CHD1L: variants seen among roughly 807,000 people sequenced by gnomAD.
CHD1L encodes ATP-dependent chromatin remodeler CHD1L.
Under a neutral mutation model 115.9 loss-of-function variants are expected in CHD1L, and 118 were observed. The ratio of observed to expected loss-of-function variants is 1.02; its 90% CI spans 0.88 to 1.19. CHD1L has a LOEUF of 1.19. Among genes scored for constraint, CHD1L ranks in the 50% most tolerant of loss-of-function variants. The pLI is 0.00. For missense variants in CHD1L, 1,179 were observed against 1,065.3 expected (o/e 1.11, Z -1.49); for synonymous variants, 411 against 387.1 (o/e 1.06, Z -0.72).
At chr1:147,201,330 G>A in the CHD1L span, 1 of 1,614,194 alleles carries the variant, frequency 6.2e-7, no homozygotes, top group South Asian at 1.1e-5. Flanking sequence ...GAAATGGAAA[G>A]TCAAAGCTAT....
chr1:147,186,692 G>A, the CHD1L span: 1 of 1,392,532 alleles, frequency 7.2e-7, no homozygotes, highest in South Asian at 1.6e-5. Context: ...ACAAGGAAGA[G>A]TGACGGATCA....
the CHD1L span, chr1:147,223,466 G>A: frequency 4.6e-5 from 7 of 152,210 alleles, no homozygotes; most frequent in Non-Finnish European, 1.0e-4. Context: ...AATATGAAAC[G>A]TAAAACTTAT....
chr1:147,192,832 T>C, the CHD1L span, among the ~76,000 whole-genome samples: 237 of 152,314 alleles, frequency 1.6e-3, 1 homozygote, highest in African/African-American at 5.1e-3. Context: ...TTGTGTATGT[T>C]GAACCAGCCT....
intron 5 of CHD1L, chr1:147,259,537 T>C (rs1671228670): frequency 4.3e-6 from 1 of 232,428 alleles, no homozygotes; most frequent in African/African-American, 2.3e-5. Context: ...CTGAGGTTAG[T>C]GTCTGGCACA....
intron 15 of CHD1L, among the ~76,000 whole-genome samples, chr1:147,283,449 A>T (rs12078046): frequency 0.028 from 4,257 of 152,266 alleles, 192 homozygotes; most frequent in African/African-American, 0.097. Context: ...TGTGGTTGCT[A>T]GTCTTGGCTG....
chr1:147,240,776 C>T (rs782225723), upstream of CHD1L, among the ~76,000 whole-genome samples: 2 of 152,124 alleles, frequency 1.3e-5, no homozygotes, highest in African/African-American at 2.4e-5. Flanking sequence ...TTTTCTTTAC[C>T]TTGTTTATGA....
the CHD1L span, among the ~76,000 whole-genome samples, chr1:147,234,237 C>G: frequency 6.6e-6 from 1 of 152,210 alleles, no homozygotes; most frequent in Non-Finnish European, 1.5e-5. Flanking sequence ...TTCGCAGCCT[C>G]CACAATTGTG....
chr1:147,295,350 C>T, intron 22 of CHD1L, 81 bp from the exon 23 acceptor site: 2 of 895,942 alleles, frequency 2.2e-6, no homozygotes. Context: ...ACAGTTATTT[C>T]AATAATTACT....
the CHD1L span, among the ~76,000 whole-genome samples, chr1:147,202,095 A>G: frequency 5.3e-5 from 8 of 152,188 alleles, no homozygotes; most frequent in Non-Finnish European, 7.3e-5. Flanking sequence ...GACTTGTCCA[A>G]TGATACACAG....
At chr1:147,226,679 A>G in the CHD1L span, among the ~76,000 whole-genome samples, 1 of 151,898 alleles carries the variant, frequency 6.6e-6, no homozygotes, top group Non-Finnish European at 1.5e-5. Flanking sequence ...TCCTTCTACC[A>G]CTCCCTGAGT....
At chr1:147,279,884 C>T (rs1680127556) in intron 14 of CHD1L, 142 bp from the exon 15 acceptor site, 4 of 743,142 alleles carry the variant, frequency 5.4e-6, no homozygotes, top group Non-Finnish European at 8.9e-6. Context: ...CTGTTACTAT[C>T]TATGATGGGG....
At chr1:147,186,988 T>C in the CHD1L span, 1 of 1,614,176 alleles carries the variant, frequency 6.2e-7, no homozygotes, top group Non-Finnish European at 8.5e-7. Flanking sequence ...ACTACTCCTT[T>C]CAACTACTCT....
chr1:147,219,840 CTTTTTT>C, the CHD1L span, among the ~76,000 whole-genome samples: 1 of 132,898 alleles, frequency 7.5e-6, no homozygotes, highest in Non-Finnish European at 1.6e-5. Context: ...ATGTTAATTG[CTTTTTT>C]TTTTTTTTTT....
intron 6 of CHD1L, among the ~76,000 whole-genome samples, chr1:147,261,318 C>G (rs1371876165): frequency 6.6e-6 from 1 of 151,962 alleles, no homozygotes; most frequent in Non-Finnish European, 1.5e-5. Context: ...TTGGCAAGAG[C>G]CTTCTTAACT....
At chr1:147,213,893 A>T in the CHD1L span, among the ~76,000 whole-genome samples, 1 of 152,194 alleles carries the variant, frequency 6.6e-6, no homozygotes, top group East Asian at 1.9e-4. Context: ...GGCTACCTTT[A>T]AATAAGTGAC....
At chr1:147,266,861 T>C (rs1172532567) in intron 8 of CHD1L, among the ~76,000 whole-genome samples, 1 of 152,230 alleles carries the variant, frequency 6.6e-6, no homozygotes, top group Non-Finnish European at 1.5e-5. Flanking sequence ...ATTGTTGTAT[T>C]TTATTATGAG....
chr1:147,254,620 C>T (rs1305158791), intron 2 of CHD1L, among the ~76,000 whole-genome samples: 1 of 152,202 alleles, frequency 6.6e-6, no homozygotes, highest in Non-Finnish European at 1.5e-5. Flanking sequence ...ATTACCTAAA[C>T]ATTGAGCCTC....
the CHD1L span, among the ~76,000 whole-genome samples, chr1:147,206,975 C>A: frequency 1.3e-5 from 2 of 151,472 alleles, no homozygotes; most frequent in East Asian, 3.9e-4. Flanking sequence ...AGAGACATGA[C>A]AACTAAATGT....
At chr1:147,278,525 AT>A (rs1679548526) in intron 14 of CHD1L, among the ~76,000 whole-genome samples, 1 of 150,120 alleles carries the variant, frequency 6.7e-6, no homozygotes, top group Non-Finnish European at 1.5e-5. Context: ...GCCTGGGGGT[AT>A]TTTTTTTTTT....
Sources: allele counts gnomAD v4.1 joint callset (sites outside exome capture counted in the v4.1 genomes callset), GRCh38; gene constraint gnomAD v4.1.1; transcripts MANE v1.5; gene names NCBI Gene and HGNC (gene_info 2026-07-23, HGNC 2026-07-21).